KIF26B: variants seen among roughly 807,000 people sequenced by gnomAD.
KIF26B encodes the protein kinesin family member 26B.
In KIF26B, 63 loss-of-function variants were observed where a neutral mutation model predicts 151.2. That is an observed-to-expected ratio of 0.42 (90% CI 0.34 to 0.51). The LOEUF is 0.51. Among genes scored for constraint, KIF26B ranks in the 20% least tolerant of loss-of-function variants. The pLI is 0.07. For synonymous variants in KIF26B, 1,357 were observed against 1,262.1 expected (o/e 1.08, Z -1.59); for missense variants, 2,813 against 2,913.6 (o/e 0.97, Z 0.79).
intron 12 of KIF26B, among the ~76,000 whole-genome samples, chr1:245,690,945 G>A (rs2044616805): frequency 6.6e-6 from 1 of 152,210 alleles, no homozygotes; most frequent in African/African-American, 2.4e-5. Flanking sequence ...TAACAAGCAG[G>A]AAAGCATCTG....
chr1:245,451,585 C>CTTTTTTT (rs58192966), intron 4 of KIF26B, among the ~76,000 whole-genome samples: 590 of 58,690 alleles, frequency 0.01, 18 homozygotes, highest in Middle Eastern at 0.036. Flanking sequence ...GAAGATCTAT[C>CTTTTTTT]TTTTTTTTTT....
chr1:245,503,678 C>A (rs539306985), intron 4 of KIF26B, among the ~76,000 whole-genome samples: 1 of 152,296 alleles, frequency 6.6e-6, no homozygotes, highest in Admixed American at 6.5e-5. Context: ...CTGTCCGTAT[C>A]GGAGAGCTGG....
chr1:245,365,901 C>G (rs1188551967), intron 2 of KIF26B, among the ~76,000 whole-genome samples: 1 of 152,170 alleles, frequency 6.6e-6, no homozygotes, highest in African/African-American at 2.4e-5. Context: ...TGATACTCAA[C>G]GAACACTCCT....
At chr1:245,433,242 G>A (rs996584427) in intron 4 of KIF26B, among the ~76,000 whole-genome samples, 29 of 152,070 alleles carry the variant, frequency 1.9e-4, no homozygotes, top group African/African-American at 7.0e-4. Flanking sequence ...GAGGCAGGTG[G>A]ATCACAAGGT....
chr1:245,312,810 T>A (rs972117046), intron 2 of KIF26B, among the ~76,000 whole-genome samples: 2 of 152,140 alleles, frequency 1.3e-5, no homozygotes, highest in African/African-American at 2.4e-5. Context: ...ATACTAGAGA[T>A]ACTAATGCAA....
chr1:245,258,173 TTCC>T (rs754036068), intron 2 of KIF26B, among the ~76,000 whole-genome samples: 7 of 152,266 alleles, frequency 4.6e-5, no homozygotes, highest in Non-Finnish European at 7.4e-5. Flanking sequence ...TCATTATGAT[TTCC>T]TCCTCCTCGT....
Position 245,698,182 on chromosome 1 carries a change from A to G in KIF26B, c.5901A>G (p.Thr1967=), listed in dbSNP as rs2044718616. ...SSPVRKPPNS[T]GVRWVDGPLR... ...CTGTGAGAAAACCCCCCAACAGCAC[A>G]GGCGTCCGCTGGGTGGATGGCCCCT... The change falls in exon 13 of 15, where the codon ACA becomes ACG. Residue 1967 remains threonine (T), a synonymous_variant. Coordinates refer to ENST00000407071, the MANE Select transcript of KIF26B (RefSeq NM_018012.4). This position sits in a 1 kb window ranked among gnomAD's most constrained non-coding sequence, Gnocchi z 4.0. The G allele has an allele frequency of 6.2e-7, 1 of 1,613,920 alleles. No individual in the cohort carries two copies. Among genetic ancestry groups the G allele is most frequent in the South Asian group, 1.1e-5 (1 of 91,082 alleles).
chr1:245,383,375 A>C (rs892987988), intron 3 of KIF26B, among the ~76,000 whole-genome samples: 2 of 152,170 alleles, frequency 1.3e-5, no homozygotes, highest in Admixed American at 1.3e-4. Flanking sequence ...CTCATGATGA[A>C]TATCCTGAAC....
Position 245,464,609 on chromosome 1 carries a change from TGG to T in KIF26B, c.1166+44866_1166+44867del, listed in dbSNP as rs1394523327. On this transcript the variant is annotated intron_variant, in intron 4 of 14. Transcript: ENST00000407071. The stretch of plus-strand genomic sequence containing the variant: ...CGTGTGTGGGTGTGTGCTGTGCGTG[TGG>T]GTGTGTGGGTGTGTGCATGTTTGGC... 4.3e-3 allele frequency among the ~76,000 whole-genome samples: 627 copies of T among 144,188 alleles called. 5 individuals carry two copies. The highest frequency in any genetic ancestry group is 0.016 in the African/African-American group (596 of 37,598). The allele number at this position is 144,188 out of a possible 152,430, so 94.6% of individuals were successfully genotyped here.
At chr1:245,326,314 A>G (rs1671990578) in intron 2 of KIF26B, among the ~76,000 whole-genome samples, 1 of 152,224 alleles carries the variant, frequency 6.6e-6, no homozygotes, top group South Asian at 2.1e-4. Context: ...CAGAAACAGC[A>G]TTAACATGAT....
intron 2 of KIF26B, among the ~76,000 whole-genome samples, chr1:245,253,642 AT>A (rs1018484753): frequency 3.3e-5 from 5 of 151,998 alleles, no homozygotes; most frequent in Non-Finnish European, 7.4e-5. Flanking sequence ...CTCTAAAGGC[AT>A]TTGGACATGG....
chr1:245,569,113 G>A (rs1436908836), intron 5 of KIF26B, among the ~76,000 whole-genome samples: 1 of 152,164 alleles, frequency 6.6e-6, no homozygotes, highest in Non-Finnish European at 1.5e-5. Flanking sequence ...GTTGTGATAG[G>A]TCATTAGAGG....
chr1:245,692,845 AG>A (rs996666659), intron 12 of KIF26B, among the ~76,000 whole-genome samples: 1 of 152,162 alleles, frequency 6.6e-6, no homozygotes, highest in Non-Finnish European at 1.5e-5. Flanking sequence ...GCTCCTTGCC[AG>A]CCCCTCTATG....
intron 12 of KIF26B, among the ~76,000 whole-genome samples, chr1:245,697,581 T>C (rs1388069433): frequency 6.6e-6 from 1 of 152,168 alleles, no homozygotes; most frequent in Non-Finnish European, 1.5e-5. Context: ...TTCTAAAGAT[T>C]CCTCAGGGAG....
At chr1:245,631,727 G>A (rs1174625562) in intron 9 of KIF26B, among the ~76,000 whole-genome samples, 1 of 151,914 alleles carries the variant, frequency 6.6e-6, no homozygotes, top group African/African-American at 2.4e-5. Flanking sequence ...TTCTTTGTTG[G>A]GGAACTTTTT....
At chr1:245,215,327 T>G (rs1669622721) in intron 2 of KIF26B, among the ~76,000 whole-genome samples, 1 of 152,074 alleles carries the variant, frequency 6.6e-6, no homozygotes, top group Non-Finnish European at 1.5e-5. Flanking sequence ...TAACCTCCCT[T>G]CACCGTGCTA....
chr1:245,702,725 C>A lies in KIF26B; in HGVS notation c.*119C>A. On this transcript the variant is annotated 3_prime_UTR_variant, in exon 15 of 15. Coordinates refer to ENST00000407071, the MANE Select transcript of KIF26B (RefSeq NM_018012.4). This position sits in a 1 kb window ranked among gnomAD's most constrained non-coding sequence, Gnocchi z 4.1. The stretch of plus-strand genomic sequence containing the variant: ...AATGAATGAGGATGAAGGTTGGTGG[C>A]AAGTCTGGAGCGGGCGTTGAGCGGA... 8.3e-7 allele frequency: 1 copy of A among 1,203,998 alleles called. No homozygotes were observed. The highest frequency in any genetic ancestry group is 1.1e-6 in the Non-Finnish European group (1 of 877,970). The allele number at this position is 1,203,998 out of a possible 1,614,324, so 74.6% of individuals were successfully genotyped here.
intron 2 of KIF26B, among the ~76,000 whole-genome samples, chr1:245,207,495 AGGACTTACAAG>A (rs1461834959): frequency 1.3e-5 from 2 of 152,200 alleles, no homozygotes; most frequent in African/African-American, 4.8e-5. Flanking sequence ...TCTGTAGATA[AGGACTTACAAG>A]GGACTTACAG....
At chr1:245,400,827 A>G (rs1004731239) in intron 3 of KIF26B, among the ~76,000 whole-genome samples, 2 of 152,110 alleles carry the variant, frequency 1.3e-5, no homozygotes, top group African/African-American at 4.8e-5. Flanking sequence ...CCCAAATTCC[A>G]TATGTGGTTT....
Sources: allele counts gnomAD v4.1 joint callset (sites outside exome capture counted in the v4.1 genomes callset), GRCh38; gene constraint gnomAD v4.1.1; non-coding constraint Gnocchi (gnomAD v3.1); transcripts MANE v1.5; gene names NCBI Gene and HGNC (gene_info 2026-07-23, HGNC 2026-07-21).